CLSTN2: variants seen among roughly 807,000 people sequenced by gnomAD.
The protein encoded by CLSTN2 is calsyntenin 2, also known as calsyntenin-2.
CLSTN2 carries 48 observed loss-of-function variants against 101.2 expected under a neutral mutation model. That is an observed-to-expected ratio of 0.47 (90% CI 0.38 to 0.60). CLSTN2 has a LOEUF of 0.60. Among genes scored for constraint, CLSTN2 ranks in the 20% least tolerant of loss-of-function variants. The pLI is 0.00. For synonymous variants in CLSTN2, 481 were observed against 463.6 expected (o/e 1.04, Z -0.48); for missense variants, 1,160 against 1,238.2 (o/e 0.94, Z 0.95).
At chr3:139,977,640 C>A (rs1935841790) in intron 1 of CLSTN2, among the ~76,000 whole-genome samples, 1 of 151,636 alleles carries the variant, frequency 6.6e-6, no homozygotes, top group Non-Finnish European at 1.5e-5. Context: ...CTGGGACGCT[C>A]CTTTGTTCAT....
At chr3:140,193,164 A>T (rs1461691208) in intron 2 of CLSTN2, among the ~76,000 whole-genome samples, 4 of 151,698 alleles carry the variant, frequency 2.6e-5, no homozygotes, top group Admixed American at 6.6e-5. Context: ...TGATTTAAAG[A>T]ACTCAAGAGG....
chr3:140,002,098 A>T (rs1414696150), intron 1 of CLSTN2, among the ~76,000 whole-genome samples: 1 of 152,076 alleles, frequency 6.6e-6, no homozygotes, highest in Non-Finnish European at 1.5e-5. Flanking sequence ...GTGCAGTGGG[A>T]TTGCTGGATC....
intron 1 of CLSTN2, among the ~76,000 whole-genome samples, chr3:140,163,674 G>C (rs919737961): frequency 6.6e-6 from 1 of 150,976 alleles, no homozygotes; most frequent in African/African-American, 2.4e-5. Flanking sequence ...ACCATCCAGG[G>C]AGGAAATTTC....
At chr3:140,239,290 C>A (rs562598781) in intron 2 of CLSTN2, among the ~76,000 whole-genome samples, 1 of 152,114 alleles carries the variant, frequency 6.6e-6, no homozygotes, top group Non-Finnish European at 1.5e-5. Context: ...AATACATACA[C>A]GTATGATTAC....
chr3:140,117,559 G>A (rs1275836017), intron 1 of CLSTN2, among the ~76,000 whole-genome samples: 1 of 152,082 alleles, frequency 6.6e-6, no homozygotes, highest in African/African-American at 2.4e-5. Flanking sequence ...TAAAAAGGTG[G>A]GTCGCCTCTT....
At chr3:140,550,422 T>TG in intron 10 of CLSTN2, among the ~76,000 whole-genome samples, 1 of 151,642 alleles carries the variant, frequency 6.6e-6, no homozygotes, top group African/African-American at 2.4e-5. Flanking sequence ...CACTTGTCAT[T>TG]GGGGCAAGCT....
At chr3:140,142,614 T>G (rs1211979969) in intron 1 of CLSTN2, among the ~76,000 whole-genome samples, 1 of 152,206 alleles carries the variant, frequency 6.6e-6, no homozygotes, top group East Asian at 1.9e-4. Flanking sequence ...TTCTTCTTAT[T>G]TTCACATTTC....
chr3:140,226,988 T>C (rs1005603104), intron 2 of CLSTN2, among the ~76,000 whole-genome samples: 1 of 152,038 alleles, frequency 6.6e-6, no homozygotes, highest in Non-Finnish European at 1.5e-5. Context: ...CAAGATGAGA[T>C]TTGGGTGGGG....
chr3:140,010,505 T>C (rs902690723), intron 1 of CLSTN2, among the ~76,000 whole-genome samples: 4 of 152,208 alleles, frequency 2.6e-5, no homozygotes, highest in East Asian at 1.9e-4. Context: ...TGCTCTTTCC[T>C]GATAATTTCC....
chr3:140,448,840 T>A, intron 6 of CLSTN2, 136 bp downstream of exon 6: 1 of 747,414 alleles, frequency 1.3e-6, no homozygotes, highest in Non-Finnish European at 2.1e-6. Context: ...GGATGGATTT[T>A]AAGTTTACTT....
chr3:139,985,110 C>T (rs917843146), intron 1 of CLSTN2, among the ~76,000 whole-genome samples: 3 of 152,208 alleles, frequency 2.0e-5, no homozygotes, highest in African/African-American at 7.2e-5. Flanking sequence ...GTTACATGGT[C>T]TCCTGCTCTG....
At chr3:140,520,005 G>T (rs1475089069) in intron 8 of CLSTN2, among the ~76,000 whole-genome samples, 2 of 152,170 alleles carry the variant, frequency 1.3e-5, no homozygotes, top group Non-Finnish European at 2.9e-5. Flanking sequence ...TGGCCTGATG[G>T]TGACAAATTC....
chr3:140,416,237 T>C (rs574367367), intron 4 of CLSTN2, among the ~76,000 whole-genome samples: 1 of 152,278 alleles, frequency 6.6e-6, no homozygotes, highest in Non-Finnish European at 1.5e-5. Flanking sequence ...GTATTGATCA[T>C]AGCATATAAA....
chr3:140,388,776 T>C, intron 2 of CLSTN2, among the ~76,000 whole-genome samples: 1 of 152,216 alleles, frequency 6.6e-6, no homozygotes, highest in East Asian at 1.9e-4. Flanking sequence ...TATTAAGTGG[T>C]GAGAGCTGGC....
intron 2 of CLSTN2, among the ~76,000 whole-genome samples, chr3:140,369,447 C>G (rs1021161580): frequency 3.3e-5 from 5 of 152,280 alleles, no homozygotes; most frequent in South Asian, 2.1e-4. Flanking sequence ...AACCTGGGAT[C>G]AGCATAAACT....
intron 5 of CLSTN2, among the ~76,000 whole-genome samples, chr3:140,438,631 C>T (rs1450566926): frequency 6.6e-6 from 1 of 152,046 alleles, no homozygotes; most frequent in African/African-American, 2.4e-5. Flanking sequence ...AGAACCACTG[C>T]TCCATCTTTA....
chr3:140,193,894 C>T (rs2010607999), intron 2 of CLSTN2, among the ~76,000 whole-genome samples: 1 of 152,070 alleles, frequency 6.6e-6, no homozygotes, highest in Non-Finnish European at 1.5e-5. Context: ...TTGATTCTTT[C>T]CTCCATTCTG....
intron 2 of CLSTN2, among the ~76,000 whole-genome samples, chr3:140,274,021 C>T (rs1446971134): frequency 6.6e-6 from 1 of 152,144 alleles, no homozygotes; most frequent in Non-Finnish European, 1.5e-5. Flanking sequence ...GGTTACAGCT[C>T]AGCCTCCTCC....
chr3:140,548,365 T>C (rs1014842303), intron 10 of CLSTN2, among the ~76,000 whole-genome samples: 1 of 152,338 alleles, frequency 6.6e-6, no homozygotes, highest in East Asian at 1.9e-4. Flanking sequence ...TTATGGGTAT[T>C]GATTCCCAGA....
Sources: gnomAD v4.1 joint callset for allele counts (sites outside exome capture counted in the v4.1 genomes callset) on GRCh38, gnomAD v4.1.1 for gene constraint, MANE v1.5 for transcripts, NCBI Gene and HGNC (gene_info 2026-07-23, HGNC 2026-07-21) for gene names.